Variants in MEGF11 observed in about 807,000 individuals in gnomAD.
The protein encoded by MEGF11 is multiple epidermal growth factor-like domains protein 11.
A neutral mutation model predicts 146.6 loss-of-function variants in MEGF11; 126 were observed. The observed-to-expected ratio is 0.86, with a 90% confidence interval of 0.74 to 1.00. The LOEUF (loss-of-function observed/expected upper bound fraction) is 1.00, where lower values mean the gene tolerates loss of function less well. Among genes scored for constraint, MEGF11 ranks in the 50% least tolerant of loss-of-function variants. The pLI is 0.00. For synonymous variants in MEGF11, 532 were observed against 583.4 expected, an observed-to-expected ratio of 0.91 and a Z score of 1.27; for missense variants, 1,509 against 1,521.2, an observed-to-expected ratio of 0.99 and a Z score of 0.13.
intron 1 of MEGF11, among the ~76,000 whole-genome samples, chr15:66,202,611 T>A (rs923556842): frequency 1.3e-5 from 2 of 152,190 alleles, no homozygotes; most frequent in Admixed American, 6.5e-5. Flanking sequence ...TCCCTCAGTA[T>A]CTCTGAGCAA....
At chr15:66,021,611 G>A (rs962007377) in intron 5 of MEGF11, among the ~76,000 whole-genome samples, 2 of 152,216 alleles carry the variant, frequency 1.3e-5, no homozygotes, top group African/African-American at 4.8e-5. Flanking sequence ...CCAGGGAGAC[G>A]GAAATTCAGC....
At chr15:66,093,393 C>G (rs1224771465) in intron 5 of MEGF11, among the ~76,000 whole-genome samples, 1 of 152,198 alleles carries the variant, frequency 6.6e-6, no homozygotes, top group African/African-American at 2.4e-5. Context: ...CCAACATTCT[C>G]CTAAGTTTTC....
At chr15:66,222,909 C>T (rs764220643) in intron 1 of MEGF11, among the ~76,000 whole-genome samples, 4 of 152,164 alleles carry the variant, frequency 2.6e-5, no homozygotes, top group Non-Finnish European at 5.9e-5. Context: ...AATGGTGTAG[C>T]CACTTTGAAA....
At chr15:66,066,645 G>A (rs16949385) in intron 5 of MEGF11, among the ~76,000 whole-genome samples, 4,427 of 152,224 alleles carry the variant, frequency 0.029, 122 homozygotes, top group African/African-American at 0.066. Flanking sequence ...CAAGCTCCAC[G>A]GCTGCGAGTC....
In MEGF11 at chr15:65,991,868, C is replaced by T. The variant is rs538653983; in HGVS notation, c.395-9380G>A. Among the ~76,000 whole-genome samples the T allele has an allele frequency of 6.6e-4, 101 of 152,332 alleles. 1 individual carries two copies. Among genetic ancestry groups the T allele is most frequent in the African/African-American group, 2.3e-3 (96 of 41,580 alleles). ...TTGCCTCCCATCACACCAGCTATTA[C>T]GAGATGAGAGGCTCAATGTCAAACA... On this transcript the variant is annotated intron_variant, in intron 5 of 25. Coordinates refer to ENST00000395614, the MANE Select transcript of MEGF11 (RefSeq NM_001385028.1).
intron 1 of MEGF11, among the ~76,000 whole-genome samples, chr15:66,148,880 C>G (rs1426684431): frequency 6.6e-6 from 1 of 152,166 alleles, no homozygotes. Context: ...CCCCTAGGGT[C>G]CCCCAAATGG....
intron 1 of MEGF11, among the ~76,000 whole-genome samples, chr15:66,144,898 G>T (rs1464300919): frequency 6.6e-6 from 1 of 152,218 alleles, no homozygotes; most frequent in African/African-American, 2.4e-5. Context: ...GCCAGGCACT[G>T]AAGATACAAC....
At chr15:66,160,283 G>A (rs1279528224) in intron 1 of MEGF11, among the ~76,000 whole-genome samples, 1 of 99,188 alleles carries the variant, frequency 1.0e-5, no homozygotes, top group South Asian at 3.2e-4. Flanking sequence ...CTCTCTCACT[G>A]CTTTCTGCCT....
intron 5 of MEGF11, among the ~76,000 whole-genome samples, chr15:65,986,998 C>G (rs2081884908): frequency 6.6e-6 from 1 of 151,384 alleles, no homozygotes. Flanking sequence ...TGAAGGGCAC[C>G]TGGAAGTGTG....
intron 1 of MEGF11, among the ~76,000 whole-genome samples, chr15:66,174,426 C>T (rs113801482): frequency 1.9e-3 from 284 of 152,262 alleles, no homozygotes; most frequent in Non-Finnish European, 3.4e-3. Flanking sequence ...TAGGGGAAAC[C>T]TCTGGGCTGG....
At position 65,922,845 on chromosome 15, in the gene MEGF11, G is replaced by C; in HGVS notation, c.1800C>G (p.Phe600Leu). The change falls in exon 14 of 26, where the codon TTC (phenylalanine) becomes TTG (leucine). Residue 600 changes from phenylalanine (F) to leucine (L), a missense_variant. By Grantham distance (22) the Phe-to-Leu change is conservative. Transcript: ENST00000395614. ...TACTTCTCTGGCATAAGGGTCCTCG[G>C]AAGCCAGGGGCACACTCGCAGCTCC... Reference protein sequence around the residue: ...EDGSCECAPGFRGPLCQRICP... With the variant: ...EDGSCECAPGLRGPLCQRICP... 2 of 1,613,800 alleles carry C rather than the reference G, an allele frequency of 1.2e-6. No homozygotes were observed. Among genetic ancestry groups the C allele is most frequent in the Non-Finnish European group, 1.7e-6 (2 of 1,179,838 alleles).
intron 3 of MEGF11, among the ~76,000 whole-genome samples, chr15:66,121,042 G>C (rs1168612824): frequency 2.0e-5 from 3 of 152,162 alleles, no homozygotes; most frequent in Non-Finnish European, 4.4e-5. Flanking sequence ...CTGACGGAGG[G>C]TGCAAGCTGT....
intron 13 of MEGF11, among the ~76,000 whole-genome samples, chr15:65,924,558 G>GT (rs1283980939): frequency 6.6e-6 from 1 of 151,136 alleles, no homozygotes; most frequent in East Asian, 1.9e-4. Context: ...ACTGTTCAAG[G>GT]TTTTGGATCC....
intron 1 of MEGF11, among the ~76,000 whole-genome samples, chr15:66,210,275 GACCTT>G (rs2091410766): frequency 6.6e-6 from 1 of 152,146 alleles, no homozygotes; most frequent in Non-Finnish European, 1.5e-5. Flanking sequence ...CTCGAAACAG[GACCTT>G]AACTCAAACA....
In MEGF11 at chr15:65,975,967, C is replaced by G. The variant is rs116348100; in HGVS notation, c.762+4811G>C. On this transcript the variant is annotated intron_variant, in intron 7 of 25. Transcript: ENST00000395614. The stretch of plus-strand genomic sequence containing the variant: ...AGGGGGAGAGAGCAGCCAGAGAAGT[C>G]AGCTTAGGAGAGGGCTATGGCCTGT... Among the ~76,000 whole-genome samples the G allele has an allele frequency of 4.5e-3, 682 of 151,224 alleles. 6 individuals are homozygous for G. Among genetic ancestry groups the G allele is most frequent in the African/African-American group, 0.016 (653 of 41,178 alleles).
In MEGF11 at chr15:65,928,348, AAAACGGTCAAGAGAAGT is replaced by A. The variant is rs1259544588; in HGVS notation, c.1675+60_1675+76del. ...ATCAAGAAGAGAGGTATTGAAGAAG[AAAACGGTCAAGAGAAGT>A]AGGATACCAAGAACCCAGTTTCACA... On this transcript the variant is annotated intron_variant, in intron 13 of 25. Coordinates refer to ENST00000395614, the MANE Select transcript of MEGF11 (RefSeq NM_001385028.1). 5 of 925,390 alleles carry A rather than the reference AAAACGGTCAAGAGAAGT, an allele frequency of 5.4e-6. No homozygotes were observed. The East Asian group carries it at 1.0e-4, about 19-fold the overall frequency. The allele number at this position is 925,390 out of a possible 1,614,324, so 57.3% of individuals were successfully genotyped here. A position where few individuals can be genotyped will look rare whatever the true frequency, so the allele number is the denominator to read the frequency against.
intron 1 of MEGF11, among the ~76,000 whole-genome samples, chr15:66,136,874 G>A (rs545036191): frequency 3.9e-5 from 6 of 151,964 alleles, no homozygotes; most frequent in African/African-American, 9.7e-5. Flanking sequence ...CAAACAATAC[G>A]GGAAAAAAAA....
chr15:66,056,338 T>G (rs1298216858), intron 5 of MEGF11, among the ~76,000 whole-genome samples: 1 of 152,164 alleles, frequency 6.6e-6, no homozygotes, highest in Non-Finnish European at 1.5e-5. Flanking sequence ...ATTTTACCCT[T>G]GTAAAACAGG....
At chr15:66,104,791 C>CAT (rs2086988882) in intron 4 of MEGF11, among the ~76,000 whole-genome samples, 2 of 152,148 alleles carry the variant, frequency 1.3e-5, no homozygotes, top group Non-Finnish European at 2.9e-5. Context: ...CAGGTCAGGG[C>CAT]GCACATCTAA....
Sources: allele counts gnomAD v4.1 joint callset (sites outside exome capture counted in the v4.1 genomes callset), GRCh38; gene constraint gnomAD v4.1.1; transcripts MANE v1.5; gene names NCBI Gene and HGNC (gene_info 2026-07-23, HGNC 2026-07-21).